Variants in OR51B5 observed in about 807,000 individuals in gnomAD.
OR51B5 encodes olfactory receptor family 51 subfamily B member 5.
For missense variants in OR51B5, 456 were observed against 374.6 expected, an observed-to-expected ratio of 1.22 and a Z score of -1.79; for synonymous variants, 186 against 144.8, an observed-to-expected ratio of 1.28 and a Z score of -2.04.
chr11:5,415,039 AG>A (rs1850217982), intron 1 of OR51B5, among the ~76,000 whole-genome samples: 1 of 152,210 alleles, frequency 6.6e-6, no homozygotes, highest in Non-Finnish European at 1.5e-5. Flanking sequence ...AGCTCTCCTC[AG>A]CAAATGTAAA....
intron 1 of OR51B5, among the ~76,000 whole-genome samples, chr11:5,357,530 G>A (rs1281072580): frequency 2.0e-5 from 3 of 152,134 alleles, no homozygotes; most frequent in African/African-American, 7.2e-5. Flanking sequence ...AACAATGGGA[G>A]ACTTTAACAC....
At chr11:5,455,464 T>C (rs1428724254) in intron 1 of OR51B5, 1 of 150,558 alleles carries the variant, frequency 6.6e-6, no homozygotes, top group Non-Finnish European at 1.5e-5. Flanking sequence ...AGGTAGGATA[T>C]AGTAAGAAAT....
intron 1 of OR51B5, among the ~76,000 whole-genome samples, chr11:5,360,976 A>C (rs547984909): frequency 3.5e-4 from 49 of 141,754 alleles, no homozygotes; most frequent in African/African-American, 1.1e-3. Context: ...AACATCACAC[A>C]CCAGGGCCTG....
chr11:5,364,705 C>T (rs1191783501), intron 1 of OR51B5, among the ~76,000 whole-genome samples: 1 of 152,124 alleles, frequency 6.6e-6, no homozygotes, highest in Non-Finnish European at 1.5e-5. Context: ...AAGCTGTTTG[C>T]CCATCCAGCA....
At chr11:5,454,422 A>G (rs1454035791) in intron 1 of OR51B5, 1 of 1,603,054 alleles carries the variant, frequency 6.2e-7, no homozygotes, top group Non-Finnish European at 8.5e-7. Context: ...CCACATCAAA[A>G]TATGACTTTC....
At chr11:5,505,052 G>T (rs760981077) in intron 1 of OR51B5, among the ~76,000 whole-genome samples, 2 of 152,170 alleles carry the variant, frequency 1.3e-5, no homozygotes, top group African/African-American at 2.4e-5. Flanking sequence ...AGGAGCCTCA[G>T]GTTTTCTTTG....
intron 1 of OR51B5, among the ~76,000 whole-genome samples, chr11:5,408,380 C>G (rs1850093880): frequency 7.1e-6 from 1 of 140,384 alleles, no homozygotes; most frequent in African/African-American, 2.5e-5. Context: ...CCCTCCCTCC[C>G]TTTCTCCCTT....
intron 1 of OR51B5, among the ~76,000 whole-genome samples, chr11:5,452,504 C>CAA (rs56677841): frequency 1.7e-4 from 12 of 69,186 alleles, no homozygotes; most frequent in African/African-American, 3.9e-4. Context: ...GACTCTGTCT[C>CAA]AAAAAAAAAA....
At chr11:5,375,793 G>A (rs1013227868) in intron 1 of OR51B5, among the ~76,000 whole-genome samples, 3 of 152,102 alleles carry the variant, frequency 2.0e-5, no homozygotes, top group Admixed American at 6.5e-5. Flanking sequence ...CAATACAGGA[G>A]CACCCAGATT....
At chr11:5,420,639 TTGC>T (rs1160798443) in intron 1 of OR51B5, among the ~76,000 whole-genome samples, 1 of 132,050 alleles carries the variant, frequency 7.6e-6, no homozygotes, top group African/African-American at 2.7e-5. Context: ...TTCTTGTCTA[TTGC>T]TGCTATTTAC....
At chr11:5,371,027 G>T (rs1448406601) in intron 1 of OR51B5, among the ~76,000 whole-genome samples, 1 of 152,120 alleles carries the variant, frequency 6.6e-6, no homozygotes, top group Non-Finnish European at 1.5e-5. Context: ...CTACCCAAAG[G>T]GACTGGTTTT....
At chr11:5,356,744 C>T (rs1282304356) in intron 1 of OR51B5, among the ~76,000 whole-genome samples, 1 of 125,338 alleles carries the variant, frequency 8.0e-6, no homozygotes, top group African/African-American at 3.0e-5. Context: ...GGGTTACCCA[C>T]AAAGGGAAGC....
At chr11:5,345,422 G>GCCAAGATTTGCTGATATATTAA (rs1848976312), upstream of OR51B5, among the ~76,000 whole-genome samples, 1 of 151,974 alleles carries the variant, frequency 6.6e-6, no homozygotes, top group Non-Finnish European at 1.5e-5. Flanking sequence ...TTGAAGTAGT[G>GCCAAGATTTGCTGATATATTAA]CCAAGATTTG....
In OR51B5 at chr11:5,360,501, G is replaced by T. The variant is rs536137923; in HGVS notation, n.85-13591C>A. ...AAAAGTCAGGAAACAACAGGTGCTG[G>T]AGAGGATGTGAAGAAGTAGGAACAC... is the stretch of plus-strand genomic sequence containing the variant. On this transcript the variant is annotated intron_variant and non_coding_transcript_variant, in intron 1 of 4. Transcript: ENST00000415970. 1.7e-3 allele frequency among the ~76,000 whole-genome samples: 250 copies of T among 151,030 alleles called. 3 individuals are homozygous for T. The highest frequency in any genetic ancestry group is 7.2e-3 in the South Asian group (34 of 4,742).
At chr11:5,495,293 G>A (rs888317815) in intron 1 of OR51B5, among the ~76,000 whole-genome samples, 2 of 152,132 alleles carry the variant, frequency 1.3e-5, no homozygotes, top group African/African-American at 4.8e-5. Flanking sequence ...ACTGGTAAAG[G>A]TAAGTATAAA....
chr11:5,477,800 G>T (rs12283823), intron 1 of OR51B5, among the ~76,000 whole-genome samples: 8 of 152,130 alleles, frequency 5.3e-5, no homozygotes, highest in South Asian at 2.1e-4. Context: ...TGCGCTTTTC[G>T]GACTGGCTTA....
At chr11:5,356,847 C>T (rs1849202093) in intron 1 of OR51B5, among the ~76,000 whole-genome samples, 1 of 128,658 alleles carries the variant, frequency 7.8e-6, no homozygotes, top group Non-Finnish European at 1.7e-5. Context: ...AAAGAATTTT[C>T]AACACAGAAT....
chr11:5,501,084 C>A (rs1338396911), intron 1 of OR51B5, among the ~76,000 whole-genome samples: 1 of 147,966 alleles, frequency 6.8e-6, no homozygotes, highest in Non-Finnish European at 1.5e-5. Flanking sequence ...TATAATAAGG[C>A]ATTTCTTGCA....
At chr11:5,382,474 T>C (rs192300703) in intron 1 of OR51B5, among the ~76,000 whole-genome samples, 41 of 152,334 alleles carry the variant, frequency 2.7e-4, no homozygotes, top group Admixed American at 2.4e-3. Context: ...GTGTGATAGA[T>C]GCCCCTGAAT....
Sources: gnomAD v4.1 joint callset for allele counts (sites outside exome capture counted in the v4.1 genomes callset) on GRCh38, gnomAD v4.1.1 for gene constraint, MANE v1.5 for transcripts, NCBI Gene and HGNC (gene_info 2026-07-23, HGNC 2026-07-21) for gene names.